Variants in SPC25 observed in about 807,000 individuals in gnomAD.
The protein encoded by SPC25 is SPC25 component of NDC80 kinetochore complex.
In SPC25, 22 loss-of-function variants were observed where a neutral mutation model predicts 29.6. The observed-to-expected ratio is 0.74, with a 90% CI of 0.53 to 1.06. The LOEUF (loss-of-function observed/expected upper bound fraction) is 1.06, where lower values mean the gene tolerates loss of function less well. Ranked by LOEUF, SPC25 falls within the 50% of genes least tolerant of loss-of-function variation. The pLI is 0.00. For missense variants in SPC25, 230 were observed against 255.8 expected (o/e 0.90, Z 0.69); for synonymous variants, 91 against 90.4 (o/e 1.01, Z -0.04).
At chr2:168,874,462 A>G (rs1006500063) in intron 5 of SPC25, among the ~76,000 whole-genome samples, 2 of 152,148 alleles carry the variant, frequency 1.3e-5, no homozygotes, top group South Asian at 2.1e-4. Context: ...TAGTAGCCAA[A>G]AAGTGGAAAT....
intron 3 of SPC25, among the ~76,000 whole-genome samples, chr2:168,885,284 C>T (rs942568954): frequency 6.6e-5 from 10 of 152,206 alleles, no homozygotes; most frequent in South Asian, 4.1e-4. Context: ...ATACTCTCAC[C>T]TTCAGGCCCA....
At chr2:168,867,902 T>A (rs1689898000), downstream of SPC25, among the ~76,000 whole-genome samples, 2 of 152,238 alleles carry the variant, frequency 1.3e-5, no homozygotes, top group South Asian at 4.1e-4. Context: ...AGAATATACA[T>A]TTTTTTCAGC....
chr2:168,864,975 A>G lies in SPC25; in HGVS notation n.419+8610T>C, dbSNP rs199524046. 1,543 of 1,613,962 alleles carry G rather than the reference A, an allele frequency of 9.6e-4. 3 individuals are homozygous for G. Among genetic ancestry groups the G allele is most frequent in the Non-Finnish European group, 1.2e-3 (1,459 of 1,179,968 alleles). ...AACACAGCTACAAAGGCATAAAACA[A>G]GACTCTGAACATACTACCTTCACAC... is the stretch of plus-strand genomic sequence containing the variant. On this transcript the variant is annotated intron_variant and non_coding_transcript_variant, in intron 4 of 4. Transcript: ENST00000479309.
chr2:168,863,645 G>T (rs1023237285), intron 4 of SPC25: 12 of 961,960 alleles, frequency 1.2e-5, no homozygotes, highest in Non-Finnish European at 1.5e-5. Flanking sequence ...ATTTTGAATG[G>T]GGAGTTACAT....
intron 4 of SPC25, among the ~76,000 whole-genome samples, chr2:168,864,601 A>G (rs975855026): frequency 6.6e-6 from 1 of 152,162 alleles, no homozygotes; most frequent in African/African-American, 2.4e-5. Flanking sequence ...GTCTTTAAGC[A>G]ATTATTTTAT....
intron 6 of SPC25, among the ~76,000 whole-genome samples, chr2:168,873,064 C>CGATA (rs1246791009): frequency 6.6e-6 from 1 of 152,126 alleles, no homozygotes; most frequent in Non-Finnish European, 1.5e-5. Context: ...ATATATATTC[C>CGATA]TTATAAATCA....
chr2:168,884,800 G>A (rs1690234364), intron 3 of SPC25: 1 of 150,162 alleles, frequency 6.7e-6, no homozygotes. Flanking sequence ...ATCTCTCTGG[G>A]ACTGCAATAT....
Position 168,888,924 on chromosome 2 carries a change from C to CGTGTGT in SPC25, c.199+296_199+301dup, listed in dbSNP as rs375198489. On this transcript the variant is annotated intron_variant, in intron 3 of 6. Coordinates refer to ENST00000282074, the MANE Select transcript of SPC25 (RefSeq NM_020675.4). ...TTACAGGCATGAGCCACTACATGTA[C>CGTGTGT]GTGTGTGTGTGTGTGTGTGTGTGTG... Among the ~76,000 whole-genome samples the CGTGTGT allele has an allele frequency of 7.8e-3, 684 of 87,498 alleles. 26 individuals are homozygous for CGTGTGT. Among genetic ancestry groups the CGTGTGT allele is most frequent in the African/African-American group, 0.034 (610 of 18,080 alleles). The allele number at this position is 87,498 out of a possible 152,430, so 57.4% of individuals were successfully genotyped here.
At chr2:168,880,451 G>A (rs1027449136) in intron 3 of SPC25, among the ~76,000 whole-genome samples, 1 of 152,158 alleles carries the variant, frequency 6.6e-6, no homozygotes, top group Non-Finnish European at 1.5e-5. Context: ...AATTGAAGAG[G>A]GCTAGAGTCT....
At chr2:168,863,243 T>C (rs1435533401) in intron 4 of SPC25, 1 of 236,626 alleles carries the variant, frequency 4.2e-6, no homozygotes. Context: ...TTTGAATTCT[T>C]GTTAATAGAT....
intron 3 of SPC25, among the ~76,000 whole-genome samples, chr2:168,883,728 G>A (rs987769653): frequency 1.3e-5 from 2 of 151,382 alleles, no homozygotes; most frequent in Non-Finnish European, 2.9e-5. Flanking sequence ...GTGATTTGTG[G>A]CCAATACAAA....
chr2:168,880,069 A>C (rs1055727589), intron 3 of SPC25, among the ~76,000 whole-genome samples: 3 of 152,146 alleles, frequency 2.0e-5, no homozygotes, highest in Admixed American at 1.3e-4. Context: ...TAAGGGCCCT[A>C]GGATTTGGGG....
chr2:168,879,113 T>A (rs959951242), intron 3 of SPC25, among the ~76,000 whole-genome samples: 1 of 152,236 alleles, frequency 6.6e-6, no homozygotes, highest in Non-Finnish European at 1.5e-5. Flanking sequence ...GCCTTGATGT[T>A]GATGGCTGCT....
chr2:168,888,965 A>G lies in SPC25; in HGVS notation c.199+261T>C, dbSNP rs1202909684. 1.2e-4 allele frequency among the ~76,000 whole-genome samples: 10 copies of G among 85,870 alleles called. No individual in the cohort carries two copies. The East Asian group carries it at 3.6e-3, about 31-fold the overall frequency. 56.3% of individuals were successfully genotyped at this position (85,870 alleles called of 152,430 possible). ...TGTGTGTGTGTGTGTGTGTATATAT[A>G]TATATATACACACACACATATATAT... On this transcript the variant is annotated intron_variant, in intron 3 of 6. Coordinates refer to ENST00000282074, the MANE Select transcript of SPC25 (RefSeq NM_020675.4).
At chr2:168,873,349 A>C (rs1004876075) in intron 6 of SPC25, among the ~76,000 whole-genome samples, 2 of 152,170 alleles carry the variant, frequency 1.3e-5, no homozygotes, top group Non-Finnish European at 1.5e-5. Context: ...GATTGTTCAG[A>C]CACTGTGGCA....
rs1353508011 is a variant in SPC25 at position 168,871,264 on chromosome 2, T to C, written c.*167A>G. The C allele has an allele frequency of 2.1e-6, 1 of 482,422 alleles. No homozygotes were observed. The highest frequency in any genetic ancestry group is 3.4e-6 in the Non-Finnish European group (1 of 290,316). The allele number at this position is 482,422 out of a possible 1,614,324, so 29.9% of individuals were successfully genotyped here. On this transcript the variant is annotated 3_prime_UTR_variant, in exon 7 of 7. Transcript: ENST00000282074. Reference sequence around the variant, plus strand: ...GAGATATACCTAATGAAATGACGAGTTAATGGGTGCAGCACACCAATATGG... The same window carrying C: ...GAGATATACCTAATGAAATGACGAGCTAATGGGTGCAGCACACCAATATGG...
chr2:168,875,447 T>C (rs1382662911), intron 5 of SPC25, among the ~76,000 whole-genome samples: 1 of 152,274 alleles, frequency 6.6e-6, no homozygotes, highest in Non-Finnish European at 1.5e-5. Context: ...ATGTTGTAAA[T>C]TAGGCACAGA....
chr2:168,889,034 CATATATATATACACATATATAT>C (rs1690335499), intron 3 of SPC25, among the ~76,000 whole-genome samples, 170 bp downstream of exon 3: 1 of 21,640 alleles, frequency 4.6e-5, no homozygotes, highest in Non-Finnish European at 1.1e-4. Context: ...CATATATATA[CATATATATATACACATATATAT>C]ACATATATAT....
rs932159639 is a variant in SPC25 at position 168,864,617 on chromosome 2, A to G, written n.419+8968T>C. Among the ~76,000 whole-genome samples the G allele has an allele frequency of 2.6e-5, 4 of 152,202 alleles. No individual in the cohort carries two copies. The South Asian group carries it at 8.3e-4, about 31-fold the overall frequency. ...TCTTTAAGCAATTATTTTATGATAT[A>G]TCTCAGTTGTTCATTATCTTACTCT... is the stretch of plus-strand genomic sequence containing the variant. On this transcript the variant is annotated intron_variant and non_coding_transcript_variant, in intron 4 of 4. Coordinates refer to the SPC25 transcript ENST00000479309.
Sources: allele counts gnomAD v4.1 joint callset (sites outside exome capture counted in the v4.1 genomes callset), GRCh38; gene constraint gnomAD v4.1.1; transcripts MANE v1.5; gene names NCBI Gene and HGNC (gene_info 2026-07-23, HGNC 2026-07-21).